VWF: variants seen among roughly 807,000 people sequenced by gnomAD.
The protein encoded by VWF is Factor VIII related antigen.
In VWF, 176 loss-of-function variants were observed where a neutral mutation model predicts 308.6. That is an observed-to-expected ratio of 0.57 (90% CI 0.50 to 0.65). The LOEUF is 0.65. Among genes scored for constraint, VWF ranks in the 30% least tolerant of loss-of-function variants. VWF has a pLI of 0.00. For synonymous variants in VWF, 1,385 were observed against 1,443.4 expected, an observed-to-expected ratio of 0.96 and a Z score of 0.92; for missense variants, 3,146 against 3,648.2, an observed-to-expected ratio of 0.86 and a Z score of 3.55.
At chr12:5,987,433 C>A (rs1943691183) in intron 38 of VWF, among the ~76,000 whole-genome samples, 1 of 152,188 alleles carries the variant, frequency 6.6e-6, no homozygotes, top group South Asian at 2.1e-4. Flanking sequence ...AGTGGCACAT[C>A]CAGGCTTCGA....
chr12:6,114,306 T>C (rs182918712), intron 3 of VWF, among the ~76,000 whole-genome samples: 22 of 152,196 alleles, frequency 1.4e-4, no homozygotes, highest in African/African-American at 4.3e-4. Flanking sequence ...GATCTACAGC[T>C]CTTAGAGGCT....
At chr12:6,065,602 T>A (rs1944704992) in intron 10 of VWF, among the ~76,000 whole-genome samples, 1 of 152,070 alleles carries the variant, frequency 6.6e-6, no homozygotes, top group Admixed American at 6.5e-5. Flanking sequence ...CCCTCCTCCC[T>A]CACAGCTCAC....
Position 6,018,401 on chromosome 12 carries a change from C to T in VWF, c.5017G>A (p.Glu1673Lys), listed in dbSNP as rs752547341. 1.1e-5 allele frequency: 18 copies of T among 1,612,364 alleles called. No homozygotes were observed. The Admixed American group carries it at 2.8e-4, about 25-fold the overall frequency. Residue 1673 changes from glutamate to lysine, a missense_variant, in exon 28 of 52, where the codon GAG becomes AAG. Transcript: ENST00000261405. The stretch of plus-strand genomic sequence containing the variant: ...GAGAGGGTGGGGATCTGCAGCCCCT[C>T]TCCGGAGCAGCACCTCTGCAGCACC... ...DLVLQRCCSG[E>K]GLQIPTLSPA...
intron 5 of VWF, among the ~76,000 whole-genome samples, chr12:6,107,938 T>G (rs28440903): frequency 0.13 from 20,357 of 151,778 alleles, 3,947 homozygotes; most frequent in African/African-American, 0.43. Context: ...GATGACAGGC[T>G]TGAGCCACCG....
chr12:6,010,272 A>C (rs1943979614), intron 34 of VWF, among the ~76,000 whole-genome samples: 1 of 152,216 alleles, frequency 6.6e-6, no homozygotes, highest in Non-Finnish European at 1.5e-5. Flanking sequence ...GTACACTGAG[A>C]TACTATTTCT....
In VWF at chr12:6,046,695, A is replaced by G. The variant is rs768587941; in HGVS notation, c.2281+28T>C. 1.2e-6 allele frequency: 2 copies of G among 1,606,694 alleles called. No homozygotes were observed. The highest frequency in any genetic ancestry group is 1.7e-5 in the Admixed American group (1 of 60,012). On this transcript the variant is annotated intron_variant, in intron 17 of 51. Transcript: ENST00000261405. This position sits in a 1 kb window ranked among gnomAD's most constrained non-coding sequence, Gnocchi z 5.0. The stretch of plus-strand genomic sequence containing the variant: ...GAGGAATCTGGGCAGGATGGAGTCA[A>G]TGGGCCTTCCAGGGGGACAGTACTC...
intron 7 of VWF, among the ~76,000 whole-genome samples, chr12:6,074,100 A>C (rs1373115334): frequency 6.6e-6 from 1 of 152,106 alleles, no homozygotes; most frequent in East Asian, 1.9e-4. Flanking sequence ...GTGGAGTCCT[A>C]CGACAAAGCA....
At chr12:6,087,243 G>A (rs886066809) in intron 6 of VWF, among the ~76,000 whole-genome samples, 2 of 152,010 alleles carry the variant, frequency 1.3e-5, no homozygotes, top group Admixed American at 6.6e-5. Flanking sequence ...AGCTTCGAAC[G>A]GGCATACAAT....
intron 6 of VWF, among the ~76,000 whole-genome samples, chr12:6,082,036 G>A (rs1223504361): frequency 2.0e-5 from 3 of 151,104 alleles, no homozygotes; most frequent in Admixed American, 6.6e-5. Flanking sequence ...GCACAATCTC[G>A]GCTCACTGCA....
chr12:6,021,462 GC>G (rs996586789), intron 27 of VWF: 2 of 174,202 alleles, frequency 1.1e-5, no homozygotes, highest in African/African-American at 4.8e-5. Context: ...CTTGACTATG[GC>G]CCCCACGACG....
chr12:6,003,973 G>A (rs11063982), intron 34 of VWF, among the ~76,000 whole-genome samples: 11,315 of 151,810 alleles, frequency 0.075, 596 homozygotes, highest in East Asian at 0.24. Flanking sequence ...CCGCCACCAC[G>A]CCCGGCTAAT....
At position 5,994,483 on chromosome 12, in the gene VWF, G is replaced by A. The variant is rs770716495; in HGVS notation, c.6188C>T (p.Pro2063Leu). 6 of 1,614,020 alleles carry A rather than the reference G, an allele frequency of 3.7e-6. No homozygotes were observed. The highest frequency in any genetic ancestry group is 2.2e-5 in the East Asian group (1 of 44,894). ...CTGCAGTTGGAACTCATTGTTTTGTGGAGTGAATGTGAAGATGTGACCAAG... is the reference window on the plus strand; with the variant it reads ...CTGCAGTTGGAACTCATTGTTTTGTAGAGTGAATGTGAAGATGTGACCAAG... ...NHLGHIFTFT[P>L]QNNEFQLQLS... Residue 2063 changes from proline (P) to leucine (L), a missense_variant, in exon 36 of 52, where the codon CCA becomes CTA. By Grantham distance (98) the Pro-to-Leu change is moderately conservative. Transcript: ENST00000261405.
chr12:6,123,073 T>C (rs562693122), intron 2 of VWF, 69 bp downstream of exon 2: 182 of 1,595,182 alleles, frequency 1.1e-4, no homozygotes, highest in Non-Finnish European at 1.5e-4. Flanking sequence ...CACCTGCTGA[T>C]TCCCGGAAAG....
intron 15 of VWF, among the ~76,000 whole-genome samples, chr12:6,055,832 T>C (rs1944572832): frequency 6.7e-6 from 1 of 148,894 alleles, no homozygotes; most frequent in South Asian, 2.1e-4. Context: ...CAGAGTGCAG[T>C]GGTGCGATCA....
chr12:5,953,497 T>C lies in VWF; in HGVS notation c.7985A>G (p.Lys2662Arg), dbSNP rs1411072226. 6.2e-7 allele frequency: 1 copy of C among 1,613,850 alleles called. No homozygotes were observed. The highest frequency in any genetic ancestry group is 1.7e-5 in the Admixed American group (1 of 60,004). Residue 2662 changes from lysine to arginine, a missense_variant and splice_region_variant, in exon 48 of 52, where the codon AAG becomes AGG. Lys to Arg is a conservative substitution (Grantham distance 26). This residue lies in a region of VWF where 989 missense variants were observed against 1,117.4 expected (regional missense o/e 0.89). Transcript: ENST00000261405. ...GCCCTGCATTCAGCTTGCTCCTACC[T>C]TCAGTGTCATGATCTGTCCTCCTCT... ...QLRGGQIMTL[K>R]RDETLQDGCD...
At chr12:5,979,796 C>T (rs987069911) in intron 42 of VWF, among the ~76,000 whole-genome samples, 2 of 150,032 alleles carry the variant, frequency 1.3e-5, no homozygotes, top group African/African-American at 2.5e-5. Context: ...AATCCCAGCA[C>T]CTTGGGAGGC....
chr12:6,073,460 C>G (rs138887327), intron 8 of VWF, among the ~76,000 whole-genome samples, 159 bp downstream of exon 8: 252 of 152,320 alleles, frequency 1.7e-3, no homozygotes, highest in African/African-American at 5.3e-3. Context: ...TAAAGACCAG[C>G]TCAATCCTGA....
intron 42 of VWF, among the ~76,000 whole-genome samples, chr12:5,977,793 C>T (rs1023390892): frequency 1.8e-4 from 27 of 151,236 alleles, no homozygotes; most frequent in Admixed American, 1.2e-3. Flanking sequence ...TCGTCTGAGC[C>T]TAGGGGGTGG....
At chr12:6,005,118 T>C (rs1396979220) in intron 34 of VWF, among the ~76,000 whole-genome samples, 1 of 152,124 alleles carries the variant, frequency 6.6e-6, no homozygotes, top group East Asian at 1.9e-4. Flanking sequence ...AGGAAAACAC[T>C]TTAGAATAAA....
Sources: gnomAD v4.1 joint callset for allele counts (sites outside exome capture counted in the v4.1 genomes callset) on GRCh38, gnomAD v4.1.1 for gene constraint, gnomAD v4.1.1 regional missense constraint, Gnocchi (gnomAD v3.1) non-coding constraint, MANE v1.5 for transcripts, NCBI Gene and HGNC (gene_info 2026-07-23, HGNC 2026-07-21) for gene names.